Variants in POLN observed in about 807,000 individuals in gnomAD.
The protein encoded by POLN is DNA polymerase N.
POLN carries 108 observed loss-of-function variants against 113.5 expected under a neutral mutation model. The ratio of observed to expected loss-of-function variants is 0.95; its 90% confidence interval spans 0.81 to 1.12. The LOEUF is 1.12. Ranked by LOEUF, POLN falls within the 50% of genes most tolerant of loss-of-function variation. The probability of loss-of-function intolerance (pLI) is 0.00; values close to 1 mark genes in which losing one functional copy is unlikely to be tolerated. For missense variants in POLN, 1,097 were observed against 1,077.1 expected (o/e 1.02, Z -0.26); for synonymous variants, 386 against 391.5 (o/e 0.99, Z 0.17).
chr4:2,212,928 C>T (rs77464024), intron 4 of POLN, 119 bp downstream of exon 4: 4 of 454,984 alleles, frequency 8.8e-6, no homozygotes, highest in South Asian at 7.1e-5. Context: ...AAGAACGCCT[C>T]TTTTTTTTTT....
At chr4:2,160,246 A>G (rs960581803) in intron 13 of POLN, among the ~76,000 whole-genome samples, 2 of 152,156 alleles carry the variant, frequency 1.3e-5, no homozygotes, top group Admixed American at 6.5e-5. Context: ...CTAATTGTAT[A>G]TCTTCTTTCA....
intron 16 of POLN, among the ~76,000 whole-genome samples, chr4:2,143,997 C>CT (rs1397566117): frequency 6.6e-6 from 1 of 151,786 alleles, no homozygotes; most frequent in Non-Finnish European, 1.5e-5. Context: ...TAATACATTG[C>CT]CCATGGGAAC....
intron 19 of POLN, among the ~76,000 whole-genome samples, chr4:2,106,041 T>G (rs915529305): frequency 1.3e-5 from 2 of 152,110 alleles, no homozygotes; most frequent in Non-Finnish European, 2.9e-5. Context: ...AAGAGTTTAC[T>G]CCGGTACTCT....
In POLN at chr4:2,241,739, C is replaced by T. The variant is rs941444554; in HGVS notation, c.-232G>A. 5.1e-6 allele frequency: 5 copies of T among 985,388 alleles called. No individual in the cohort carries two copies. In the African/African-American group the frequency reaches 8.7e-5, roughly 17 times the overall value. The allele number at this position is 985,388 out of a possible 1,614,324, so 61.0% of individuals were successfully genotyped here. ...CAAGGCCGCGATACACCAGACGCGCCAGCGGCAAAACCTTCCTTCGGAGGG... is the reference window on the plus strand; with the variant it reads ...CAAGGCCGCGATACACCAGACGCGCTAGCGGCAAAACCTTCCTTCGGAGGG... On this transcript the variant is annotated 5_prime_UTR_variant, in exon 2 of 26. Coordinates refer to ENST00000511885, the MANE Select transcript of POLN (RefSeq NM_181808.4).
At chr4:2,072,505 G>A (rs1730173467) in intron 25 of POLN, among the ~76,000 whole-genome samples, 1 of 152,182 alleles carries the variant, frequency 6.6e-6, no homozygotes, top group Non-Finnish European at 1.5e-5. Context: ...CCACCTCCCA[G>A]TCACGACACC....
chr4:2,166,618 G>C (rs887105320), intron 13 of POLN, among the ~76,000 whole-genome samples: 1 of 152,184 alleles, frequency 6.6e-6, no homozygotes, highest in Non-Finnish European at 1.5e-5. Context: ...TATCCAATCA[G>C]CTAGGGGCCC....
At chr4:2,206,856 T>A (rs1208901702) in intron 5 of POLN, among the ~76,000 whole-genome samples, 2 of 152,194 alleles carry the variant, frequency 1.3e-5, no homozygotes, top group African/African-American at 4.8e-5. Flanking sequence ...CTTAAAGAAC[T>A]AAAAGTAGAA....
At chr4:2,204,921 G>A (rs997445509) in intron 5 of POLN, among the ~76,000 whole-genome samples, 3 of 152,034 alleles carry the variant, frequency 2.0e-5, no homozygotes, top group African/African-American at 7.2e-5. Flanking sequence ...CAGCACAATT[G>A]GCATACAAGG....
At chr4:2,149,817 C>T (rs1319510517) in intron 16 of POLN, among the ~76,000 whole-genome samples, 3 of 151,890 alleles carry the variant, frequency 2.0e-5, no homozygotes, top group East Asian at 3.9e-4. Flanking sequence ...GGCGCGTTGA[C>T]TCACACCTGT....
intron 23 of POLN, 76 bp downstream of exon 23, chr4:2,080,881 AT>A: frequency 3.1e-6 from 5 of 1,608,260 alleles, no homozygotes; most frequent in Non-Finnish European, 4.2e-6. Context: ...GATCATCAGA[AT>A]CACGAGCCCC....
chr4:2,211,259 T>C (rs1733986738), intron 4 of POLN, among the ~76,000 whole-genome samples: 1 of 109,854 alleles, frequency 9.1e-6, no homozygotes, highest in Admixed American at 8.4e-5. Context: ...CAAATAATAA[T>C]AATAATAATA....
intron 5 of POLN, among the ~76,000 whole-genome samples, chr4:2,201,529 G>T (rs747850941): frequency 2.0e-5 from 3 of 151,776 alleles, no homozygotes; most frequent in Non-Finnish European, 4.4e-5. Context: ...CATGAACAAA[G>T]CCTCCAAGAA....
chr4:2,240,906 A>AT (rs748396956), intron 2 of POLN: 22 of 1,597,130 alleles, frequency 1.4e-5, no homozygotes, highest in African/African-American at 2.7e-5. Flanking sequence ...GGGATAACCA[A>AT]TTTTTTTTAA....
intron 19 of POLN, among the ~76,000 whole-genome samples, chr4:2,101,030 G>A (rs1371830588): frequency 1.3e-5 from 2 of 152,144 alleles, no homozygotes; most frequent in South Asian, 2.1e-4. Flanking sequence ...AACACTGGAC[G>A]TGGCCCCATG....
At chr4:2,074,881 GGAGA>G (rs1157217265) in intron 24 of POLN, among the ~76,000 whole-genome samples, 2 of 152,114 alleles carry the variant, frequency 1.3e-5, no homozygotes, top group Non-Finnish European at 2.9e-5. Context: ...CCCTCCCAAG[GGAGA>G]GAGAAAGAAC....
At chr4:2,165,225 A>G (rs532252441) in intron 13 of POLN, among the ~76,000 whole-genome samples, 39 of 152,342 alleles carry the variant, frequency 2.6e-4, no homozygotes, top group African/African-American at 8.9e-4. Context: ...ACATCCACGC[A>G]ATGGAATATT....
At chr4:2,232,103 G>A (rs1211334775) in intron 2 of POLN, 4 of 1,601,344 alleles carry the variant, frequency 2.5e-6, no homozygotes, top group African/African-American at 1.3e-5. Flanking sequence ...ATATCAGTGA[G>A]GAGATGATTT....
intron 20 of POLN, chr4:2,090,560 C>A: frequency 2.1e-6 from 1 of 468,564 alleles, no homozygotes; most frequent in Non-Finnish European, 4.0e-6. Flanking sequence ...CCATGGTGAT[C>A]ATCATCTTCA....
chr4:2,193,122 G>A lies in POLN; in HGVS notation c.1021+82C>T, dbSNP rs1367827209. 2.8e-6 allele frequency: 3 copies of A among 1,062,358 alleles called. No individual in the cohort carries two copies. The African/African-American group carries it at 5.2e-5, about 18-fold the overall frequency. 65.8% of individuals were successfully genotyped at this position (1,062,358 alleles called of 1,614,324 possible). ...GGTCCTCCAGGAGTTGTGTGACATGGCTGCCCTCACCATTCTCCCATTCAT... is the reference window on the plus strand; with the variant it reads ...GGTCCTCCAGGAGTTGTGTGACATGACTGCCCTCACCATTCTCCCATTCAT... On this transcript the variant is annotated intron_variant, in intron 7 of 25. Coordinates refer to ENST00000511885, the MANE Select transcript of POLN (RefSeq NM_181808.4).
Sources: allele counts gnomAD v4.1 joint callset (sites outside exome capture counted in the v4.1 genomes callset), GRCh38; gene constraint gnomAD v4.1.1; transcripts MANE v1.5; gene names NCBI Gene and HGNC (gene_info 2026-07-23, HGNC 2026-07-21).